DPY19L3: variants seen among roughly 807,000 people sequenced by gnomAD.
DPY19L3 encodes the protein dpy-19 like C-mannosyltransferase 3.
Under a neutral mutation model 92.3 loss-of-function variants are expected in DPY19L3, and 51 were observed. That is an observed-to-expected ratio of 0.55 (90% confidence interval 0.44 to 0.70). The LOEUF (loss-of-function observed/expected upper bound fraction) is 0.70, where lower values mean the gene tolerates loss of function less well. Among genes scored for constraint, DPY19L3 ranks in the 30% least tolerant of loss-of-function variants. DPY19L3 has a pLI of 0.00. For synonymous variants in DPY19L3, 309 were observed against 315.2 expected (o/e 0.98, Z 0.21); for missense variants, 706 against 855.9 (o/e 0.82, Z 2.18).
At chr19:32,437,149 G>A in intron 5 of DPY19L3, 45 bp from the exon 6 acceptor site, 1 of 1,611,008 alleles carries the variant, frequency 6.2e-7, no homozygotes, top group East Asian at 2.2e-5. Flanking sequence ...ACTGAGGAGG[G>A]TTAGGGCTCA....
intron 6 of DPY19L3, among the ~76,000 whole-genome samples, chr19:32,438,827 G>C (rs1969230629): frequency 6.6e-6 from 1 of 152,136 alleles, no homozygotes; most frequent in African/African-American, 2.4e-5. Flanking sequence ...TAAGGGTTTG[G>C]CATGATACAT....
intron 8 of DPY19L3, among the ~76,000 whole-genome samples, chr19:32,443,533 C>T (rs745791640): frequency 2.4e-4 from 36 of 152,132 alleles, no homozygotes; most frequent in African/African-American, 8.5e-4. Context: ...CATCAGTGAA[C>T]CAGGAAATAA....
At chr19:32,411,210 G>C (rs1241010327) in intron 2 of DPY19L3, 29 bp from the exon 3 acceptor site, 9 of 1,594,746 alleles carry the variant, frequency 5.6e-6, no homozygotes, top group Non-Finnish European at 7.7e-6. Context: ...TACTGACTTA[G>C]TTATTTATCT....
chr19:32,438,441 C>G lies in DPY19L3; in HGVS notation c.597-671C>G, dbSNP rs550120353. Among the ~76,000 whole-genome samples the G allele has an allele frequency of 2.6e-5, 4 of 151,898 alleles. No homozygotes were observed. In the South Asian group the frequency reaches 8.3e-4, roughly 32 times the overall value. On this transcript the variant is annotated intron_variant, in intron 6 of 18. Transcript: ENST00000392250. ...ATATTACAGACATCTATATATATTT[C>G]TTTTATATAGAGATATATGTAGATA... is the stretch of plus-strand genomic sequence containing the variant.
At chr19:32,461,903 C>T (rs1326221694) in intron 12 of DPY19L3, among the ~76,000 whole-genome samples, 1 of 152,154 alleles carries the variant, frequency 6.6e-6, no homozygotes, top group Non-Finnish European at 1.5e-5. Flanking sequence ...GTGTGCTTCC[C>T]GGTGTAATGT....
At chr19:32,441,379 A>G (rs1230124782) in intron 8 of DPY19L3, among the ~76,000 whole-genome samples, 1 of 152,204 alleles carries the variant, frequency 6.6e-6, no homozygotes, top group Non-Finnish European at 1.5e-5. Flanking sequence ...AAAATGAGTA[A>G]AGGTTCTGGA....
In DPY19L3 at chr19:32,473,902, C is replaced by T. The variant is rs980921468; in HGVS notation, c.1698-3620C>T. On this transcript the variant is annotated intron_variant, in intron 16 of 18. Coordinates refer to ENST00000392250, the MANE Select transcript of DPY19L3 (RefSeq NM_001172774.2). Reference sequence around the variant, plus strand: ...CACTGCAACCTTCACCTCGTGGGTTCAAGCGATTCTCCTGCCTCAGCCTCC... The same window carrying T: ...CACTGCAACCTTCACCTCGTGGGTTTAAGCGATTCTCCTGCCTCAGCCTCC... Among the ~76,000 whole-genome samples, 32 of 152,290 alleles carry T rather than the reference C, an allele frequency of 2.1e-4. 1 individual carries two copies. Among genetic ancestry groups the T allele is most frequent in the Admixed American group, 1.4e-3 (22 of 15,302 alleles).
chr19:32,406,705 A>G (rs1327167955), intron 1 of DPY19L3, among the ~76,000 whole-genome samples: 1 of 152,178 alleles, frequency 6.6e-6, no homozygotes, highest in Non-Finnish European at 1.5e-5. Context: ...AGTTGTTTAC[A>G]ATGGCATTCC....
chr19:32,430,977 G>GT (rs1287738349), intron 3 of DPY19L3, among the ~76,000 whole-genome samples: 2 of 152,042 alleles, frequency 1.3e-5, no homozygotes, highest in Non-Finnish European at 2.9e-5. Context: ...ATTAGTTGGA[G>GT]TTAGGGGGAA....
At chr19:32,441,670 G>A (rs1466402028) in intron 8 of DPY19L3, among the ~76,000 whole-genome samples, 3 of 151,922 alleles carry the variant, frequency 2.0e-5, no homozygotes, top group Admixed American at 1.3e-4. Flanking sequence ...GCTAATATTT[G>A]TATTTTTAGT....
At chr19:32,434,520 G>A (rs1452203654) in intron 4 of DPY19L3, among the ~76,000 whole-genome samples, 5 of 152,134 alleles carry the variant, frequency 3.3e-5, no homozygotes, top group South Asian at 2.1e-4. Context: ...TTAGCCGGGC[G>A]TAGTGGCGCA....
chr19:32,443,789 G>A (rs1363007173), intron 8 of DPY19L3, among the ~76,000 whole-genome samples: 1 of 152,210 alleles, frequency 6.6e-6, no homozygotes, highest in Non-Finnish European at 1.5e-5. Context: ...GCCGAGCGCA[G>A]TGGCTCATGC....
Position 32,484,068 on chromosome 19 carries a change from A to G in DPY19L3, c.*1828A>G, listed in dbSNP as rs1970739768. ...TGGGCATTTGGAGTCTTAATATACA[A>G]GAAACACGTACTTAAATTTTTATGC... On this transcript the variant is annotated 3_prime_UTR_variant, in exon 19 of 19. Transcript: ENST00000392250. 6.6e-6 allele frequency: 1 copy of G among 152,570 alleles called. No homozygotes were observed. Among genetic ancestry groups the G allele is most frequent in the Admixed American group, 6.5e-5 (1 of 15,286 alleles). The allele number at this position is 152,570 out of a possible 1,614,324, so 9.5% of individuals were successfully genotyped here.
chr19:32,473,308 C>G (rs1475816052), intron 16 of DPY19L3, among the ~76,000 whole-genome samples: 1 of 152,186 alleles, frequency 6.6e-6, no homozygotes, highest in African/African-American at 2.4e-5. Flanking sequence ...AACAAATTAT[C>G]CTTTCATTTT....
chr19:32,415,452 C>T (rs1215487532), intron 3 of DPY19L3, among the ~76,000 whole-genome samples: 1 of 152,076 alleles, frequency 6.6e-6, no homozygotes, highest in Non-Finnish European at 1.5e-5. Flanking sequence ...CTAGAGAGTA[C>T]AAGGGGAGAG....
chr19:32,408,651 G>C (rs1968068336), intron 2 of DPY19L3, among the ~76,000 whole-genome samples: 1 of 152,158 alleles, frequency 6.6e-6, no homozygotes, highest in African/African-American at 2.4e-5. Context: ...CCAGATTTTA[G>C]TCTCTCTCTA....
rs746690504 is a variant in DPY19L3 at position 32,455,002 on chromosome 19, G to A, written c.1051G>A (p.Val351Ile). 7 of 1,570,286 alleles carry A rather than the reference G, an allele frequency of 4.5e-6. No homozygotes were observed. The South Asian group carries it at 8.5e-5, about 19-fold the overall frequency. ...GAAACTTTTGTTACATTTATTTATG[G>A]TTTTATGTTTGACACTTTTTCTCAA... ...LGKLLLHLFM[V>I]LCLTLFLNNI... Residue 351 changes from valine (V) to isoleucine (I), a missense_variant, in exon 10 of 19, where the codon GTT becomes ATT. Transcript: ENST00000392250.
chr19:32,437,973 C>T (rs944488626), intron 6 of DPY19L3, among the ~76,000 whole-genome samples: 3 of 152,016 alleles, frequency 2.0e-5, no homozygotes, highest in African/African-American at 7.3e-5. Flanking sequence ...TGTGCCTTGC[C>T]TAAAAAGTTT....
intron 16 of DPY19L3, among the ~76,000 whole-genome samples, chr19:32,474,139 G>A (rs968618652): frequency 9.9e-5 from 15 of 152,192 alleles, no homozygotes; most frequent in African/African-American, 3.6e-4. Context: ...TAGGCATGAG[G>A]ATATATGTAT....
Sources: gnomAD v4.1 joint callset for allele counts (sites outside exome capture counted in the v4.1 genomes callset) on GRCh38, gnomAD v4.1.1 for gene constraint, MANE v1.5 for transcripts, NCBI Gene and HGNC (gene_info 2026-07-23, HGNC 2026-07-21) for gene names.